Variants in PRKCH observed in about 807,000 individuals in gnomAD.
PRKCH encodes protein kinase C eta.
A neutral mutation model predicts 82.5 loss-of-function variants in PRKCH; 28 were observed. The ratio of observed to expected loss-of-function variants is 0.34; its 90% CI spans 0.25 to 0.47. The LOEUF (loss-of-function observed/expected upper bound fraction) is 0.47. Ranked by LOEUF, PRKCH falls within the 20% of genes least tolerant of loss-of-function variation. PRKCH has a pLI of 1.00. For synonymous variants in PRKCH, 322 were observed against 327.4 expected, an observed-to-expected ratio of 0.98 and a Z score of 0.18; for missense variants, 705 against 881.8, an observed-to-expected ratio of 0.80 and a Z score of 2.54.
intron 10 of PRKCH, among the ~76,000 whole-genome samples, chr14:61,522,862 G>A (rs549032351): frequency 4.4e-4 from 67 of 152,362 alleles, no homozygotes; most frequent in Middle Eastern, 3.4e-3. Context: ...GTGAAGGGAT[G>A]GATATCTCGT....
At chr14:61,190,726 C>T (rs903250880) in intron 1 of PRKCH, among the ~76,000 whole-genome samples, 1 of 152,164 alleles carries the variant, frequency 6.6e-6, no homozygotes, top group African/African-American at 2.4e-5. Flanking sequence ...GGACGCTCCC[C>T]GCTCTGAGGC....
chr14:61,253,989 C>T (rs1417244354), intron 1 of PRKCH, among the ~76,000 whole-genome samples: 3 of 122,168 alleles, frequency 2.5e-5, no homozygotes, highest in Non-Finnish European at 5.2e-5. Context: ...CTCCCTCCCT[C>T]CCTCCCTCCC....
chr14:61,266,091 G>T (rs1258811181), intron 1 of PRKCH, among the ~76,000 whole-genome samples: 1 of 151,526 alleles, frequency 6.6e-6, no homozygotes, highest in African/African-American at 2.4e-5. Context: ...GAGGGAGAAA[G>T]AGTTTTAAAG....
chr14:61,353,755 AC>A (rs1311587753), intron 1 of PRKCH: 1 of 151,968 alleles, frequency 6.6e-6, no homozygotes, highest in Non-Finnish European at 1.5e-5. Flanking sequence ...ACATAGCAAG[AC>A]CCCATCGCTA....
At chr14:61,210,605 A>G (rs1305970978) in intron 1 of PRKCH, among the ~76,000 whole-genome samples, 2 of 152,212 alleles carry the variant, frequency 1.3e-5, no homozygotes, top group Non-Finnish European at 2.9e-5. Context: ...AGACAAAATG[A>G]AAAACATTGA....
intron 1 of PRKCH, among the ~76,000 whole-genome samples, chr14:61,270,464 G>T (rs2045141659): frequency 6.6e-6 from 1 of 152,166 alleles, no homozygotes; most frequent in East Asian, 1.9e-4. Flanking sequence ...GGACTTACCT[G>T]CAGGGGCTCC....
At chr14:61,483,293 A>G (rs753714339) in intron 9 of PRKCH, among the ~76,000 whole-genome samples, 2 of 152,234 alleles carry the variant, frequency 1.3e-5, no homozygotes, top group Non-Finnish European at 2.9e-5. Context: ...TAGAAAATAC[A>G]GGACAGCCAT....
At chr14:61,449,878 CTCTCTCTCTCTCTCTCTCTCTCTGTG>C (rs780029650) in intron 5 of PRKCH, among the ~76,000 whole-genome samples, 1 of 75,340 alleles carries the variant, frequency 1.3e-5, no homozygotes, top group African/African-American at 3.2e-5. Flanking sequence ...CTCTCTCTCT[CTCTCTCTCTCTCTCTCTCTCTCTGTG>C]TGTGTGTGTG....
At chr14:61,343,803 G>A (rs1045715646) in intron 1 of PRKCH, among the ~76,000 whole-genome samples, 1 of 152,166 alleles carries the variant, frequency 6.6e-6, no homozygotes, top group Non-Finnish European at 1.5e-5. Context: ...AATGGATCTG[G>A]ATTATTTAGA....
At chr14:61,419,626 C>T (rs1307874081) in intron 2 of PRKCH, among the ~76,000 whole-genome samples, 2 of 152,194 alleles carry the variant, frequency 1.3e-5, no homozygotes, top group African/African-American at 4.8e-5. Context: ...GAACTCTGCC[C>T]AGGGTCCCTG....
upstream of PRKCH, among the ~76,000 whole-genome samples, chr14:61,319,354 T>C (rs2045588998): frequency 6.6e-6 from 1 of 152,164 alleles, no homozygotes; most frequent in South Asian, 2.1e-4. Flanking sequence ...GGCTTTTCCT[T>C]CACTGCACCC....
At chr14:61,509,643 G>A (rs1887291877) in intron 10 of PRKCH, among the ~76,000 whole-genome samples, 1 of 152,158 alleles carries the variant, frequency 6.6e-6, no homozygotes, top group African/African-American at 2.4e-5. Flanking sequence ...CCAGTACTTT[G>A]GGAGGCCAGC....
chr14:61,248,501 A>G (rs142912155), intron 1 of PRKCH, among the ~76,000 whole-genome samples: 1 of 152,308 alleles, frequency 6.6e-6, no homozygotes, highest in African/African-American at 2.4e-5. Flanking sequence ...CTCAGACTTC[A>G]TACCAGCTTA....
chr14:61,194,598 C>G (rs372092538), intron 1 of PRKCH, among the ~76,000 whole-genome samples: 1 of 152,090 alleles, frequency 6.6e-6, no homozygotes, highest in Non-Finnish European at 1.5e-5. Context: ...TATAAGCCAC[C>G]CAGTTTATGA....
upstream of PRKCH, among the ~76,000 whole-genome samples, chr14:61,318,163 T>A (rs2045579183): frequency 1.3e-5 from 2 of 151,850 alleles, no homozygotes; most frequent in Non-Finnish European, 2.9e-5. Context: ...AGTCTCAACC[T>A]CCCAGGCTCA....
chr14:61,424,595 G>C (rs1883014237), intron 2 of PRKCH, among the ~76,000 whole-genome samples: 1 of 152,172 alleles, frequency 6.6e-6, no homozygotes, highest in Non-Finnish European at 1.5e-5. Flanking sequence ...TTATTTAAAA[G>C]GGAAGCAGAG....
In PRKCH at chr14:61,413,411, C is replaced by T. The variant is rs1389747511; in HGVS notation, c.427+22123C>T. Among the ~76,000 whole-genome samples the T allele has an allele frequency of 2.6e-4, 18 of 69,834 alleles. 1 individual carries two copies. The highest frequency in any genetic ancestry group is 1.3e-3 in the East Asian group (2 of 1,510). 45.8% of individuals were successfully genotyped at this position (69,834 alleles called of 152,430 possible). On this transcript the variant is annotated intron_variant, in intron 2 of 13. Transcript: ENST00000332981. ...ATCATTTCTTTTTAAGCGCCCCCCC[C>T]CCGCCCCGCCCATGTACCCTGTGCC...
chr14:61,364,725 G>C (rs1345519647), intron 1 of PRKCH, among the ~76,000 whole-genome samples: 3 of 151,990 alleles, frequency 2.0e-5, no homozygotes, highest in Admixed American at 1.3e-4. Flanking sequence ...TGTAGTCCCA[G>C]GTACTAGGGA....
chr14:61,396,081 G>GAAA (rs34478520), intron 2 of PRKCH, among the ~76,000 whole-genome samples: 1 of 120,558 alleles, frequency 8.3e-6, no homozygotes, highest in Non-Finnish European at 1.7e-5. Context: ...CCTTGTTTCA[G>GAAA]AAAAAAAAAA....
Sources: allele counts gnomAD v4.1 joint callset (sites outside exome capture counted in the v4.1 genomes callset), GRCh38; gene constraint gnomAD v4.1.1; transcripts MANE v1.5; gene names NCBI Gene and HGNC (gene_info 2026-07-23, HGNC 2026-07-21).